DNAH17: variants seen among roughly 807,000 people sequenced by gnomAD.
DNAH17 encodes axonemal beta dynein heavy chain 17.
Under a neutral mutation model 485.6 loss-of-function variants are expected in DNAH17, and 376 were observed. That is an observed-to-expected ratio of 0.77 (90% CI 0.71 to 0.84). The LOEUF (loss-of-function observed/expected upper bound fraction) is 0.84, where lower values mean the gene tolerates loss of function less well. Ranked by LOEUF, DNAH17 falls within the 40% of genes least tolerant of loss-of-function variation. DNAH17 has a pLI of 0.00. For synonymous variants in DNAH17, 3,031 were observed against 2,405.9 expected, an observed-to-expected ratio of 1.26 and a Z score of -7.60; for missense variants, 6,370 against 5,839.3, an observed-to-expected ratio of 1.09 and a Z score of -2.96.
intron 69 of DNAH17, among the ~76,000 whole-genome samples, chr17:78,447,477 G>A (rs2087358645): frequency 6.6e-6 from 1 of 152,192 alleles, no homozygotes; most frequent in South Asian, 2.1e-4. Flanking sequence ...ATGGGCAGCA[G>A]GTGGCTGGGA....
Position 78,484,855 on chromosome 17 carries a change from C to T in DNAH17, c.7649+13G>A, listed in dbSNP as rs774994567. The stretch of plus-strand genomic sequence containing the variant: ...GGGGCCACGCCTTCCCCTCCGGCCC[C>T]GCCCCGTCTAACCAGTGCCGGTGGT... On this transcript the variant is annotated intron_variant, in intron 48 of 80. Coordinates refer to ENST00000389840, the MANE Select transcript of DNAH17 (RefSeq NM_173628.4). 4.6e-6 allele frequency: 7 copies of T among 1,534,308 alleles called. No individual in the cohort carries two copies. The East Asian group carries it at 1.7e-4, about 38-fold the overall frequency.
intron 42 of DNAH17, among the ~76,000 whole-genome samples, 172 bp from the exon 43 acceptor site, chr17:78,491,742 G>A (rs2089868047): frequency 6.6e-6 from 1 of 152,124 alleles, no homozygotes; most frequent in Admixed American, 6.6e-5. Flanking sequence ...CGTTCTCTGT[G>A]GCCTCCCTCC....
chr17:78,475,626 G>C, intron 53 of DNAH17, 43 bp downstream of exon 53: 1 of 1,608,882 alleles, frequency 6.2e-7, no homozygotes, highest in Non-Finnish European at 8.5e-7. Flanking sequence ...AGGGTGACCC[G>C]GTCCAGGTCC....
chr17:78,460,573 C>CTG (rs1390986467), intron 58 of DNAH17, among the ~76,000 whole-genome samples: 1 of 152,214 alleles, frequency 6.6e-6, no homozygotes, highest in Admixed American at 6.5e-5. Context: ...GCCGACATCC[C>CTG]TGTGTGTGTG....
intron 30 of DNAH17, 89 bp downstream of exon 30, chr17:78,506,631 C>A: frequency 6.3e-7 from 1 of 1,577,788 alleles, no homozygotes; most frequent in Non-Finnish European, 8.6e-7. Flanking sequence ...GGACACTTAC[C>A]CCACCCTAGG....
chr17:78,468,703 G>A lies in DNAH17; in HGVS notation c.8692C>T (p.Arg2898Ter), dbSNP rs762997608. ...ATGCCAAGGGACTTGACTTGGGGTCGCATGGAGGAGATGATGTTCTCCACC... is the reference window on the plus strand; with the variant it reads ...ATGCCAAGGGACTTGACTTGGGGTCACATGGAGGAGATGATGTTCTCCACC... ...DEVENIISSMRPQVKSLGMND... is the reference protein window; with the variant it reads ...DEVENIISSM The change falls in exon 55 of 81, where the codon CGA (arginine) becomes TGA (stop). Residue 2898 changes from arginine to a stop codon, truncating the protein, a stop_gained. Coordinates refer to ENST00000389840, the MANE Select transcript of DNAH17 (RefSeq NM_173628.4). LOFTEE classifies it high-confidence loss of function. 12 of 1,613,870 alleles carry A rather than the reference G, an allele frequency of 7.4e-6. No homozygotes were observed. Among genetic ancestry groups the A allele is most frequent in the East Asian group, 2.2e-5 (1 of 44,906 alleles).
At chr17:78,555,401 C>A (rs2091997892) in intron 14 of DNAH17, among the ~76,000 whole-genome samples, 1 of 151,992 alleles carries the variant, frequency 6.6e-6, no homozygotes, top group African/African-American at 2.4e-5. Context: ...AAGGCGGGAG[C>A]TCTTTAGACA....
At chr17:78,512,940 C>CAAAAAAAAAAA (rs57734613) in intron 26 of DNAH17, among the ~76,000 whole-genome samples, 1 of 83,308 alleles carries the variant, frequency 1.2e-5, no homozygotes, top group African/African-American at 5.1e-5. Flanking sequence ...GACTCTAACT[C>CAAAAAAAAAAA]AAAAAAAAAA....
At chr17:78,425,047 G>A (rs561063123) in intron 80 of DNAH17, 3 of 249,742 alleles carry the variant, frequency 1.2e-5, no homozygotes, top group East Asian at 8.3e-5. Context: ...GCTTTTCAGC[G>A]CTTTTCATCA....
At chr17:78,512,537 T>C (rs1411548982) in intron 26 of DNAH17, among the ~76,000 whole-genome samples, 6 of 151,786 alleles carry the variant, frequency 4.0e-5, no homozygotes, top group African/African-American at 1.5e-4. Context: ...TGAAGGCACT[T>C]GAGAAGAAGC....
chr17:78,494,793 T>C lies in DNAH17; in HGVS notation c.6070A>G (p.Ile2024Val). 2 of 1,611,578 alleles carry C rather than the reference T, an allele frequency of 1.2e-6. No homozygotes were observed. The highest frequency in any genetic ancestry group is 1.7e-6 in the Non-Finnish European group (2 of 1,178,550). ...QDHYDWGLRAIKSVLVVAGSL... is the reference protein window; with the variant it reads ...QDHYDWGLRAVKSVLVVAGSL... ...CCGGCCACCACCAGCACAGACTTGA[T>C]GGCTCTCAGGCCCCAGTCGTAATGA... The change falls in exon 40 of 81, where the codon ATC becomes GTC. Residue 2024 changes from isoleucine to valine, a missense_variant. Coordinates refer to ENST00000389840, the MANE Select transcript of DNAH17 (RefSeq NM_173628.4).
chr17:78,526,806 T>C, intron 23 of DNAH17, 69 bp from the exon 24 acceptor site: 3 of 1,558,582 alleles, frequency 1.9e-6, no homozygotes, highest in Non-Finnish European at 2.6e-6. Flanking sequence ...GGCCCCACCC[T>C]GTATGCCGCA....
chr17:78,438,002 A>G (rs1265853354), intron 73 of DNAH17, 134 bp from the exon 74 acceptor site: 2 of 652,622 alleles, frequency 3.1e-6, no homozygotes, highest in Non-Finnish European at 5.2e-6. Context: ...TGGTGCTGGC[A>G]CTGCCCCACC....
At chr17:78,499,799 C>G (rs529293380) in intron 36 of DNAH17, 1 of 153,964 alleles carries the variant, frequency 6.5e-6, no homozygotes, top group South Asian at 2.0e-4. Flanking sequence ...GGTTCCATCC[C>G]CCTTGCCTTC....
Position 78,466,675 on chromosome 17 carries a change from C to T in DNAH17, c.8920G>A (p.Glu2974Lys), listed in dbSNP as rs372882384. 115 of 1,611,172 alleles carry T rather than the reference C, an allele frequency of 7.1e-5. No homozygotes were observed. Among genetic ancestry groups the T allele is most frequent in the Admixed American group, 1.0e-4 (6 of 59,868 alleles). The stretch of plus-strand genomic sequence containing the variant: ...CTCACCGGAATCCCCTCAGTCTCCT[C>T]CAGGAAGCGGGCGCTGACGGACACC... Reference protein sequence around the residue: ...ALVSVSARFLEETEGIPWEVK... With the variant: ...ALVSVSARFLKETEGIPWEVK... The change falls in exon 56 of 81, where the codon GAG (glutamate) becomes AAG (lysine). Residue 2974 changes from glutamate to lysine, a missense_variant. Glu to Lys is a moderately conservative substitution (Grantham distance 56). Coordinates refer to ENST00000389840, the MANE Select transcript of DNAH17 (RefSeq NM_173628.4).
intron 48 of DNAH17, 129 bp downstream of exon 48, chr17:78,484,739 A>ACCCCCCTGGCCCCC: frequency 2.9e-6 from 1 of 347,798 alleles, no homozygotes; most frequent in Non-Finnish European, 4.6e-6. Context: ...ACGTTGCAGC[A>ACCCCCCTGGCCCCC]CCCCCCCCAC....
Position 78,569,671 on chromosome 17 carries a change from T to C in DNAH17, c.1045-144A>G, listed in dbSNP as rs76387618. On this transcript the variant is annotated intron_variant, in intron 7 of 80. Coordinates refer to ENST00000389840, the MANE Select transcript of DNAH17 (RefSeq NM_173628.4). The stretch of plus-strand genomic sequence containing the variant: ...CTCCTATCTGCCCACTGCTGGGCCG[T>C]TTTTAGGGGACCGAGCTGCTTCCCC... The C allele has an allele frequency of 2.6e-3, 2,682 of 1,047,924 alleles. 51 individuals carry two copies. In the African/African-American group the frequency reaches 0.037, roughly 14 times the overall value. The allele number at this position is 1,047,924 out of a possible 1,614,324, so 64.9% of individuals were successfully genotyped here.
At chr17:78,484,246 C>A (rs932501180) in intron 48 of DNAH17, among the ~76,000 whole-genome samples, 23 of 152,142 alleles carry the variant, frequency 1.5e-4, no homozygotes, top group Middle Eastern at 3.4e-3. Flanking sequence ...ATTCTGGCTG[C>A]AGCTGCCCTG....
Position 78,424,167 on chromosome 17 carries a change from A to T in DNAH17, c.13142-14T>A. ...CCCAGCGAGCCCCTGCAGGGACAGT[A>T]TGGCTGAGGGTCAGGTGTGCTGCCA... On this transcript the variant is annotated splice_polypyrimidine_tract_variant and intron_variant, in intron 80 of 80. Coordinates refer to ENST00000389840, the MANE Select transcript of DNAH17 (RefSeq NM_173628.4). 6.2e-7 allele frequency: 1 copy of T among 1,601,908 alleles called. No individual in the cohort carries two copies. Among genetic ancestry groups the T allele is most frequent in the Non-Finnish European group, 8.5e-7 (1 of 1,174,296 alleles).
Sources: allele counts gnomAD v4.1 joint callset (sites outside exome capture counted in the v4.1 genomes callset), GRCh38; gene constraint gnomAD v4.1.1; transcripts MANE v1.5; gene names NCBI Gene and HGNC (gene_info 2026-07-23, HGNC 2026-07-21).